Variants in ITPR2 observed in about 807,000 individuals in gnomAD.
ITPR2 encodes inositol 1,4,5-trisphosphate-gated calcium channel ITPR2.
ITPR2 carries 207 observed loss-of-function variants against 317.1 expected under a neutral mutation model. The ratio of observed to expected loss-of-function variants is 0.65; its 90% CI spans 0.58 to 0.73. ITPR2 has a LOEUF of 0.73. ITPR2 is among the 30% of genes least tolerant of loss of function. ITPR2 has a pLI of 0.00. For missense variants in ITPR2, 2,613 were observed against 3,284.0 expected, an observed-to-expected ratio of 0.80 and a Z score of 4.99; for synonymous variants, 1,156 against 1,149.1, an observed-to-expected ratio of 1.01 and a Z score of -0.12.
intron 32 of ITPR2, among the ~76,000 whole-genome samples, chr12:26,590,226 C>T (rs1190916466): frequency 6.6e-6 from 1 of 152,028 alleles, no homozygotes; most frequent in Non-Finnish European, 1.5e-5. Context: ...AATTATGAGA[C>T]CAACTAAGAT....
intron 54 of ITPR2, among the ~76,000 whole-genome samples, chr12:26,398,524 T>C (rs188875485): frequency 9.8e-5 from 15 of 152,366 alleles, no homozygotes; most frequent in Admixed American, 5.2e-4. Context: ...CATATTTGGA[T>C]TCATATTCTA....
chr12:26,358,594 A>T (rs528666901), intron 55 of ITPR2, among the ~76,000 whole-genome samples: 1 of 152,128 alleles, frequency 6.6e-6, no homozygotes, highest in South Asian at 2.1e-4. Context: ...ACTTATTCTC[A>T]TATGTTCTAC....
At chr12:26,506,695 A>G (rs1293993667) in intron 37 of ITPR2, among the ~76,000 whole-genome samples, 1 of 152,088 alleles carries the variant, frequency 6.6e-6, no homozygotes, top group East Asian at 1.9e-4. Context: ...ATGATCACAA[A>G]TGTAGCCTAA....
In ITPR2 at chr12:26,624,258, T is replaced by C. The variant is rs370753065; in HGVS notation, c.3122+41A>G. ...TATCAATAGAATTCTAAGTAAAATG[T>C]TATTCACAAGTAAGATAAAGATATA... On this transcript the variant is annotated intron_variant, in intron 24 of 56. Transcript: ENST00000381340. The C allele has an allele frequency of 1.5e-3, 2,008 of 1,301,362 alleles. 41 individuals carry two copies. The South Asian group carries it at 0.023, about 15-fold the overall frequency. 80.6% of individuals were successfully genotyped at this position (1,301,362 alleles called of 1,614,324 possible). A position where few individuals can be genotyped will look rare whatever the true frequency, so the allele number is the denominator to read the frequency against.
chr12:26,523,415 C>T (rs1222379040), intron 37 of ITPR2, among the ~76,000 whole-genome samples: 1 of 152,180 alleles, frequency 6.6e-6, no homozygotes, highest in Non-Finnish European at 1.5e-5. Context: ...CTTCCCCCCA[C>T]CAAATTATCA....
At position 26,375,325 on chromosome 12, in the gene ITPR2, C is replaced by T. The variant is rs563820233; in HGVS notation, c.7857+12109G>A. Among the ~76,000 whole-genome samples the T allele has an allele frequency of 4.6e-5, 7 of 152,242 alleles. No homozygotes were observed. The South Asian group carries it at 1.2e-3, about 27-fold the overall frequency. Reference sequence around the variant, plus strand: ...CCCTTCATAAGTCTAAAATAAATGACTTAGGATGGGTTATCATTTCAAAAA... The same window carrying T: ...CCCTTCATAAGTCTAAAATAAATGATTTAGGATGGGTTATCATTTCAAAAA... On this transcript the variant is annotated intron_variant, in intron 55 of 56. Transcript: ENST00000381340.
At chr12:26,765,336 T>C (rs1027067364) in intron 2 of ITPR2, among the ~76,000 whole-genome samples, 5 of 151,792 alleles carry the variant, frequency 3.3e-5, no homozygotes. Context: ...TTGTTATTTA[T>C]TGTTTAAGAT....
At chr12:26,491,058 G>A (rs1942789074) in intron 39 of ITPR2, among the ~76,000 whole-genome samples, 2 of 152,180 alleles carry the variant, frequency 1.3e-5, no homozygotes, top group Admixed American at 1.3e-4. Flanking sequence ...GATGGAGGAG[G>A]CAAGAGGGTG....
At chr12:26,484,195 T>C (rs1003337822) in intron 41 of ITPR2, among the ~76,000 whole-genome samples, 1 of 138,460 alleles carries the variant, frequency 7.2e-6, no homozygotes, top group Admixed American at 7.4e-5. Flanking sequence ...ATCAAGATAG[T>C]TCATAATAAA....
At chr12:26,526,540 T>C (rs192822661) in intron 37 of ITPR2, among the ~76,000 whole-genome samples, 2 of 152,308 alleles carry the variant, frequency 1.3e-5, no homozygotes, top group East Asian at 3.9e-4. Context: ...GAAATGTACA[T>C]TTTCTTTTAA....
intron 45 of ITPR2, among the ~76,000 whole-genome samples, chr12:26,457,136 G>C (rs765912603): frequency 6.6e-6 from 1 of 152,182 alleles, no homozygotes; most frequent in East Asian, 1.9e-4. Flanking sequence ...CTATCAAAAT[G>C]TGCAAGTGCT....
At chr12:26,565,257 T>C (rs1377574956) in intron 34 of ITPR2, among the ~76,000 whole-genome samples, 1 of 152,132 alleles carries the variant, frequency 6.6e-6, no homozygotes, top group African/African-American at 2.4e-5. Flanking sequence ...AAAATTAAGT[T>C]AGAAACAAAT....
chr12:26,661,326 G>A (rs957754685), intron 15 of ITPR2, among the ~76,000 whole-genome samples: 1 of 149,536 alleles, frequency 6.7e-6, no homozygotes, highest in Non-Finnish European at 1.5e-5. Context: ...GCACACGTGT[G>A]TGTGTTTGTG....
At chr12:26,785,413 C>T (rs1347204254) in intron 2 of ITPR2, among the ~76,000 whole-genome samples, 1 of 74,898 alleles carries the variant, frequency 1.3e-5, no homozygotes, top group Non-Finnish European at 3.4e-5. Context: ...CCAGCCGCCC[C>T]GTCCAGGAGG....
At chr12:26,487,275 C>T (rs1471240484) in intron 39 of ITPR2, 24 bp from the exon 40 acceptor site, 1 of 1,538,826 alleles carries the variant, frequency 6.5e-7, no homozygotes, top group African/African-American at 1.4e-5. Flanking sequence ...TATTTTAAGA[C>T]ATCAATACCC....
intron 1 of ITPR2, among the ~76,000 whole-genome samples, chr12:26,822,835 C>T (rs374083020): frequency 2.7e-4 from 41 of 152,254 alleles, no homozygotes; most frequent in African/African-American, 8.7e-4. Context: ...AAGCTTAAAC[C>T]TTATGGAAAA....
chr12:26,682,022 G>T lies in ITPR2; in HGVS notation c.1261C>A (p.Gln421Lys). The T allele has an allele frequency of 1.2e-6, 2 of 1,611,406 alleles. No homozygotes were observed. The change falls in exon 13 of 57, where the codon CAA becomes AAA. Residue 421 changes from glutamine to lysine, a missense_variant. Gln to Lys is a moderately conservative substitution (Grantham distance 53). Transcript: ENST00000381340. ...RPVMLKIGTC[Q>K]TKEDKEAFAI... The stretch of plus-strand genomic sequence containing the variant: ...AACGCTTCTTTATCTTCTTTGGTTT[G>T]GCAGGTTCCAATCTGAAATGTTTTT...
intron 13 of ITPR2, among the ~76,000 whole-genome samples, chr12:26,672,618 C>G (rs1196810325): frequency 1.3e-5 from 2 of 150,792 alleles, no homozygotes; most frequent in Non-Finnish European, 3.0e-5. Context: ...AAAATTGACA[C>G]CCTAACATCA....
intron 32 of ITPR2, among the ~76,000 whole-genome samples, chr12:26,589,006 CCTGA>C (rs1246853755): frequency 6.6e-6 from 1 of 152,172 alleles, no homozygotes. Flanking sequence ...ACTCAAATCC[CCTGA>C]CTATCAACAA....
Sources: allele counts gnomAD v4.1 joint callset (sites outside exome capture counted in the v4.1 genomes callset), GRCh38; gene constraint gnomAD v4.1.1; transcripts MANE v1.5; gene names NCBI Gene and HGNC (gene_info 2026-07-23, HGNC 2026-07-21).